Variants in B4GALT6 observed in about 807,000 individuals in gnomAD.
B4GALT6 encodes the protein beta-1,4-galactosyltransferase 6.
Under a neutral mutation model 46.3 loss-of-function variants are expected in B4GALT6, and 14 were observed. That is an observed-to-expected ratio of 0.30 (90% CI 0.20 to 0.47). B4GALT6 has a LOEUF of 0.47. B4GALT6 is among the 20% of genes least tolerant of loss of function. B4GALT6 has a pLI of 0.99. For missense variants in B4GALT6, 386 were observed against 480.1 expected, an observed-to-expected ratio of 0.80 and a Z score of 1.83; for synonymous variants, 168 against 162.0, an observed-to-expected ratio of 1.04 and a Z score of -0.28.
At chr18:31,712,388 C>T in the B4GALT6 span, among the ~76,000 whole-genome samples, 1 of 140,704 alleles carries the variant, frequency 7.1e-6, no homozygotes, top group Non-Finnish European at 1.5e-5. Context: ...TTGCAACCTA[C>T]ACTTCCTGGG....
At chr18:31,672,590 G>A (rs2074368761) in intron 1 of B4GALT6, among the ~76,000 whole-genome samples, 1 of 152,182 alleles carries the variant, frequency 6.6e-6, no homozygotes, top group Non-Finnish European at 1.5e-5. Context: ...TGCTGCAGAT[G>A]CTAAGGAGAA....
chr18:31,698,259 GA>G, the B4GALT6 span, among the ~76,000 whole-genome samples: 1 of 152,156 alleles, frequency 6.6e-6, no homozygotes, highest in African/African-American at 2.4e-5. Flanking sequence ...GACCTATCAA[GA>G]GGAGGCTTCC....
intron 1 of B4GALT6, among the ~76,000 whole-genome samples, chr18:31,680,774 T>G (rs891028682): frequency 7.9e-5 from 12 of 152,250 alleles, no homozygotes; most frequent in African/African-American, 2.2e-4. Context: ...CCAGGAATTT[T>G]AGAGACCTCA....
At chr18:31,645,743 T>C (rs555044415) in intron 3 of B4GALT6, among the ~76,000 whole-genome samples, 2 of 152,228 alleles carry the variant, frequency 1.3e-5, no homozygotes, top group African/African-American at 4.8e-5. Flanking sequence ...GGGTAATATA[T>C]TGAATAATTT....
At chr18:31,705,070 A>G in the B4GALT6 span, among the ~76,000 whole-genome samples, 1 of 152,238 alleles carries the variant, frequency 6.6e-6, no homozygotes, top group Non-Finnish European at 1.5e-5. Flanking sequence ...ATATGAAACT[A>G]GACAGATACA....
chr18:31,637,709 G>A (rs2144543506), intron 5 of B4GALT6, among the ~76,000 whole-genome samples: 1 of 152,176 alleles, frequency 6.6e-6, no homozygotes, highest in Non-Finnish European at 1.5e-5. Context: ...CTTTGCTGTT[G>A]TGTTAAAAAA....
rs764835623 is a variant in B4GALT6, at chr18:31,631,021, G to A, written c.714C>T (p.Asn238=). The change falls in exon 6 of 9, where the codon AAC becomes AAT. Residue 238 remains asparagine, a synonymous_variant. Transcript: ENST00000306851. ...DVDHLPENDR[N]YYGCGEMPRH... is the part of the protein sequence containing the mutation. ...GTGGCATTTCTCCACATCCGTAATAGTTCCGGTCATTTTCAGGTAGATGAT... is the reference window on the plus strand; with the variant it reads ...GTGGCATTTCTCCACATCCGTAATAATTCCGGTCATTTTCAGGTAGATGAT... 1.0e-4 allele frequency: 162 copies of A among 1,614,002 alleles called. No individual in the cohort carries two copies. The highest frequency in any genetic ancestry group is 1.3e-4 in the Non-Finnish European group (149 of 1,180,034).
the B4GALT6 span, among the ~76,000 whole-genome samples, chr18:31,698,260 A>G: frequency 2.8e-3 from 420 of 152,282 alleles, 2 homozygotes; most frequent in African/African-American, 9.7e-3. Flanking sequence ...ACCTATCAAG[A>G]GGAGGCTTCC....
At position 31,626,379 on chromosome 18, in the gene B4GALT6, T is replaced by C; in HGVS notation, c.905A>G (p.His302Arg). ...TCTGGTTACATTATATCCAGCATAG[T>C]GAACTCTACAATGCCATATATGGAA... ...GEDDDLWNRV[H>R]YAGYNVTRPE... The change falls in exon 8 of 9, where the codon CAC (histidine) becomes CGC (arginine). Residue 302 changes from histidine (H) to arginine (R), a missense_variant. This residue lies in a region of B4GALT6 where 323 missense variants were observed against 438.9 expected (regional missense o/e 0.74). Coordinates refer to ENST00000306851, the MANE Select transcript of B4GALT6 (RefSeq NM_004775.5). The C allele has an allele frequency of 6.4e-7, 1 of 1,553,782 alleles. No individual in the cohort carries two copies. The highest frequency in any genetic ancestry group is 8.8e-7 in the Non-Finnish European group (1 of 1,130,344).
At chr18:31,689,553 G>A (rs1318299412), upstream of B4GALT6, among the ~76,000 whole-genome samples, 3 of 152,060 alleles carry the variant, frequency 2.0e-5, no homozygotes, top group African/African-American at 7.2e-5. Context: ...GACCAGCCTG[G>A]CCAATATGGT....
At position 31,625,404 on chromosome 18, in the gene B4GALT6, G is replaced by A. The variant is rs1255222345; in HGVS notation, c.*210C>T. On this transcript the variant is annotated 3_prime_UTR_variant, in exon 9 of 9. Transcript: ENST00000306851. ...TTAAGTAGTGGCTTCCCGTTTCTGC[G>A]GTGCTCGCCACAGGGGTGTGTCTCA... The A allele has an allele frequency of 4.7e-5, 21 of 448,522 alleles. No homozygotes were observed. Among genetic ancestry groups the A allele is most frequent in the South Asian group, 1.1e-4 (2 of 17,884 alleles). The allele number at this position is 448,522 out of a possible 1,614,324, so 27.8% of individuals were successfully genotyped here.
intron 5 of B4GALT6, among the ~76,000 whole-genome samples, chr18:31,637,372 T>C (rs933580705): frequency 6.6e-5 from 10 of 150,382 alleles, no homozygotes; most frequent in African/African-American, 2.5e-4. Flanking sequence ...CATAGTTTAG[T>C]CTTCCATGCA....
intron 2 of B4GALT6, chr18:31,658,408 G>A: frequency 4.9e-6 from 1 of 203,408 alleles, no homozygotes; most frequent in Non-Finnish European, 1.0e-5. Flanking sequence ...GAGTGTGAAA[G>A]TACACCAGGG....
intron 3 of B4GALT6, among the ~76,000 whole-genome samples, chr18:31,646,232 C>T (rs1382401329): frequency 6.6e-6 from 1 of 152,214 alleles, no homozygotes; most frequent in East Asian, 1.9e-4. Context: ...TATTCCTGGT[C>T]TAACAGGCAC....
chr18:31,633,517 C>T (rs1353624681), intron 5 of B4GALT6, among the ~76,000 whole-genome samples: 1 of 152,192 alleles, frequency 6.6e-6, no homozygotes, highest in Admixed American at 6.5e-5. Flanking sequence ...TCTAAAACAT[C>T]ACTTTATCCA....
rs1429862441 is a variant in B4GALT6, at chr18:31,654,878, T to C, written c.346+3098A>G. Among the ~76,000 whole-genome samples, 4 of 152,372 alleles carry C rather than the reference T, an allele frequency of 2.6e-5. No homozygotes were observed. In the East Asian group the frequency reaches 5.8e-4, roughly 22 times the overall value. On this transcript the variant is annotated intron_variant, in intron 3 of 8. Coordinates refer to ENST00000306851, the MANE Select transcript of B4GALT6 (RefSeq NM_004775.5). ...ATTGTTCTCTATTATCAATGAAAAC[T>C]ATCTTTTTAAGTAAAAAAATGTAAG...
chr18:31,655,685 T>G (rs2074129771), intron 3 of B4GALT6, among the ~76,000 whole-genome samples: 1 of 152,144 alleles, frequency 6.6e-6, no homozygotes, highest in African/African-American at 2.4e-5. Context: ...TTCCTGAAAC[T>G]ATAAACCTTG....
rs555409623 is a variant in B4GALT6, at chr18:31,623,247, C to A, written c.*2367G>T. On this transcript the variant is annotated 3_prime_UTR_variant, in exon 9 of 9. Transcript: ENST00000306851. ...AAGATAAACGGGCACAGCTCTGTCA[C>A]TCTCACAGAAACATATTAAGTTCAC... 8 of 152,218 alleles carry A rather than the reference C, an allele frequency of 5.3e-5. No individual in the cohort carries two copies. Among genetic ancestry groups the A allele is most frequent in the Non-Finnish European group, 1.2e-4 (8 of 67,904 alleles). The allele number at this position is 152,218 out of a possible 1,614,324, so 9.4% of individuals were successfully genotyped here.
the B4GALT6 span, among the ~76,000 whole-genome samples, chr18:31,723,307 T>C: frequency 2.0e-5 from 3 of 152,332 alleles, no homozygotes; most frequent in East Asian, 3.9e-4. Flanking sequence ...CACCGCACTT[T>C]GTGATTGTAC....
Sources: allele counts gnomAD v4.1 joint callset (sites outside exome capture counted in the v4.1 genomes callset), GRCh38; gene constraint gnomAD v4.1.1; regional missense constraint gnomAD v4.1.1; transcripts MANE v1.5; gene names NCBI Gene and HGNC (gene_info 2026-07-23, HGNC 2026-07-21).